STAC: variants seen among roughly 807,000 people sequenced by gnomAD.
The protein encoded by STAC is SH3 and cysteine rich domain, also known as SH3 and cysteine-rich domain-containing protein.
A neutral mutation model predicts 48.8 loss-of-function variants in STAC; 43 were observed. The ratio of observed to expected loss-of-function variants is 0.88; its 90% CI spans 0.69 to 1.14. The LOEUF (loss-of-function observed/expected upper bound fraction) is 1.14, where lower values mean the gene tolerates loss of function less well. STAC is among the 50% of genes most tolerant of loss of function. The probability of loss-of-function intolerance (pLI) is 0.00; values close to 1 mark genes in which losing one functional copy is unlikely to be tolerated. For synonymous variants in STAC, 193 were observed against 179.5 expected (o/e 1.07, Z -0.60); for missense variants, 497 against 504.0 (o/e 0.99, Z 0.13).
intron 1 of STAC, among the ~76,000 whole-genome samples, chr3:36,436,715 A>G (rs543309745): frequency 8.5e-5 from 13 of 152,284 alleles, no homozygotes; most frequent in African/African-American, 2.9e-4. Flanking sequence ...TATATTATTT[A>G]CCACTCTGAT....
At position 36,460,783 on chromosome 3, in the gene STAC, T is replaced by C. The variant is rs1696994772; in HGVS notation, c.388+17143T>C. On this transcript the variant is annotated intron_variant, in intron 2 of 10. Transcript: ENST00000273183. ...AACTAATATGGTTAAAAGTCCATAC[T>C]ACCCAAAGCGATTTACAGATTCAAT... 2.0e-5 allele frequency among the ~76,000 whole-genome samples: 3 copies of C among 152,212 alleles called. No individual in the cohort carries two copies. In the South Asian group the frequency reaches 6.2e-4, roughly 32 times the overall value.
chr3:36,492,031 AATATATATATATATATATATATATAT>A (rs11267408), intron 5 of STAC, among the ~76,000 whole-genome samples: 51 of 16,442 alleles, frequency 3.1e-3, no homozygotes, highest in African/African-American at 8.6e-3. Flanking sequence ...AAAAAAAAAA[AATATATATATATATATATATATATAT>A]ATATATATAT....
At chr3:36,405,624 G>A (rs949600225) in intron 1 of STAC, among the ~76,000 whole-genome samples, 1 of 152,168 alleles carries the variant, frequency 6.6e-6, no homozygotes, top group Admixed American at 6.5e-5. Context: ...ATATGATATA[G>A]CTAAATCCCC....
At chr3:36,496,176 T>A (rs191661033) in intron 6 of STAC, among the ~76,000 whole-genome samples, 1 of 152,358 alleles carries the variant, frequency 6.6e-6, no homozygotes, top group East Asian at 1.9e-4. Flanking sequence ...CCAAAAAGTG[T>A]TGGAGATGTA....
At chr3:36,474,000 A>G (rs56318409) in intron 2 of STAC, among the ~76,000 whole-genome samples, 4,767 of 152,266 alleles carry the variant, frequency 0.031, 228 homozygotes, top group African/African-American at 0.11. Flanking sequence ...AACTTCTAAT[A>G]TGTTAGTGAT....
In STAC at chr3:36,443,413, G is replaced by C; in HGVS notation, c.161G>C (p.Ser54Thr). The C allele has an allele frequency of 6.2e-7, 1 of 1,614,206 alleles. No individual in the cohort carries two copies. Among genetic ancestry groups the C allele is most frequent in the Non-Finnish European group, 8.5e-7 (1 of 1,180,048 alleles). ...SLSFKTKSLRSKSADNFFQRT... is the reference protein window; with the variant it reads ...SLSFKTKSLRTKSADNFFQRT... Reference sequence around the variant, plus strand: ...TCTTTCAAGACCAAGAGTTTACGGAGCAAAAGTGCTGACAACTTCTTCCAG... The same window carrying C: ...TCTTTCAAGACCAAGAGTTTACGGACCAAAAGTGCTGACAACTTCTTCCAG... Residue 54 changes from serine (S) to threonine (T), a missense_variant, in exon 2 of 11, where the codon AGC becomes ACC. Transcript: ENST00000273183. The surrounding 1 kb of genome is among the most constrained non-coding windows in gnomAD (Gnocchi z 4.2).
At chr3:36,528,614 T>G (rs1029437212) in intron 8 of STAC, 82 bp from the exon 9 acceptor site, 1 of 1,132,632 alleles carries the variant, frequency 8.8e-7, no homozygotes, top group African/African-American at 1.6e-5. Flanking sequence ...TTTGTGTAAA[T>G]GAGAAATGAT....
intron 2 of STAC, among the ~76,000 whole-genome samples, chr3:36,467,585 T>A (rs767736734): frequency 2.6e-5 from 4 of 152,092 alleles, no homozygotes; most frequent in Non-Finnish European, 1.5e-5. Flanking sequence ...GTTGTATATT[T>A]CCAGGAATTT....
chr3:36,477,513 T>C (rs1173335711), intron 2 of STAC, among the ~76,000 whole-genome samples: 2 of 152,192 alleles, frequency 1.3e-5, no homozygotes, highest in East Asian at 3.8e-4. Flanking sequence ...CTATTTAGTG[T>C]AGTAGGTTCA....
intron 1 of STAC, among the ~76,000 whole-genome samples, chr3:36,416,611 C>T (rs17035045): frequency 0.23 from 34,855 of 152,052 alleles, 4,218 homozygotes; most frequent in Admixed American, 0.25. Context: ...CATCTCCAGT[C>T]GGTTCCCTGT....
chr3:36,480,462 C>A (rs1697612577), intron 2 of STAC, among the ~76,000 whole-genome samples: 1 of 152,182 alleles, frequency 6.6e-6, no homozygotes, highest in Non-Finnish European at 1.5e-5. Flanking sequence ...GTTTTAAACT[C>A]TTTTCTCATT....
At chr3:36,448,054 C>CA (rs1696565041) in intron 2 of STAC, among the ~76,000 whole-genome samples, 1 of 152,100 alleles carries the variant, frequency 6.6e-6, no homozygotes, top group East Asian at 1.9e-4. Context: ...TACTACAGGA[C>CA]AAAAAATGCA....
rs1697701253 is a variant in STAC, at chr3:36,483,110, G to C, written c.489+18G>C. Reference sequence around the variant, plus strand: ...GCAAGCTGGTAAGGGCTTGTGCCAGGAGTGAGGCCCACACCTCTCTGCTAG... The same window carrying C: ...GCAAGCTGGTAAGGGCTTGTGCCAGCAGTGAGGCCCACACCTCTCTGCTAG... On this transcript the variant is annotated intron_variant, in intron 3 of 10. Coordinates refer to ENST00000273183, the MANE Select transcript of STAC (RefSeq NM_003149.3). 1 of 1,588,310 alleles carries C rather than the reference G, an allele frequency of 6.3e-7. No individual in the cohort carries two copies. The highest frequency in any genetic ancestry group is 1.3e-5 in the African/African-American group (1 of 74,514).
intron 10 of STAC, among the ~76,000 whole-genome samples, chr3:36,534,820 C>T (rs7372037): frequency 0.59 from 89,611 of 151,832 alleles, 27,155 homozygotes; most frequent in East Asian, 0.77. Context: ...TGTGCACTAC[C>T]ATGCCCAGAT....
intron 1 of STAC, among the ~76,000 whole-genome samples, chr3:36,415,404 G>A (rs950789546): frequency 7.2e-5 from 11 of 152,202 alleles, no homozygotes; most frequent in Non-Finnish European, 1.3e-4. Context: ...CCACCTTGCA[G>A]TTCAATCTCA....
chr3:36,454,027 A>C (rs1696775120), intron 2 of STAC, among the ~76,000 whole-genome samples: 1 of 152,136 alleles, frequency 6.6e-6, no homozygotes, highest in African/African-American at 2.4e-5. Context: ...GGGATTGTAA[A>C]CACACCAATC....
intron 3 of STAC, among the ~76,000 whole-genome samples, chr3:36,483,914 G>A (rs1277657883): frequency 6.6e-6 from 1 of 152,168 alleles, no homozygotes; most frequent in Non-Finnish European, 1.5e-5. Flanking sequence ...TTGCGCAACT[G>A]TACTCTAGCT....
intron 8 of STAC, among the ~76,000 whole-genome samples, chr3:36,513,926 C>A (rs1163809434): frequency 6.6e-6 from 1 of 152,042 alleles, no homozygotes; most frequent in Non-Finnish European, 1.5e-5. Flanking sequence ...GTGTGGGCAT[C>A]AGTTGACCTG....
chr3:36,412,429 A>G (rs1433429825), intron 1 of STAC, among the ~76,000 whole-genome samples: 1 of 151,434 alleles, frequency 6.6e-6, no homozygotes, highest in Non-Finnish European at 1.5e-5. Context: ...CAAGAAAAAT[A>G]GAGGTTTTTT....
Sources: gnomAD v4.1 joint callset for allele counts (sites outside exome capture counted in the v4.1 genomes callset) on GRCh38, gnomAD v4.1.1 for gene constraint, Gnocchi (gnomAD v3.1) non-coding constraint, MANE v1.5 for transcripts, NCBI Gene and HGNC (gene_info 2026-07-23, HGNC 2026-07-21) for gene names.